The following MCPH1 variants were observed in gnomAD, a reference collection of about 807,000 sequenced individuals.
The protein encoded by MCPH1 is microcephalin.
A neutral mutation model predicts 84.5 loss-of-function variants in MCPH1; 104 were observed. The observed-to-expected ratio is 1.23, with a 90% confidence interval of 1.05 to 1.45. The LOEUF (loss-of-function observed/expected upper bound fraction) is 1.45. Ranked by LOEUF, MCPH1 falls within the 40% of genes most tolerant of loss-of-function variation. MCPH1 has a pLI of 0.00. For missense variants in MCPH1, 1,498 were observed against 1,005.7 expected, an observed-to-expected ratio of 1.49 and a Z score of -6.62; for synonymous variants, 514 against 366.8, an observed-to-expected ratio of 1.40 and a Z score of -4.58.
chr8:6,517,414 G>C (rs545870380), intron 12 of MCPH1, among the ~76,000 whole-genome samples: 14 of 152,352 alleles, frequency 9.2e-5, no homozygotes, highest in Middle Eastern at 3.4e-3. Flanking sequence ...GGAAGGAAAT[G>C]ACCATACATG....
chr8:6,526,471 G>T (rs1818365858), intron 12 of MCPH1, among the ~76,000 whole-genome samples: 2 of 151,912 alleles, frequency 1.3e-5, no homozygotes, highest in African/African-American at 2.4e-5. Flanking sequence ...AAATTAGCAG[G>T]ATTGTTATAT....
At chr8:6,490,824 TA>T (rs771648245) in intron 11 of MCPH1, among the ~76,000 whole-genome samples, 23 of 152,042 alleles carry the variant, frequency 1.5e-4, no homozygotes, top group Non-Finnish European at 2.6e-4. Context: ...CATAGGTTCA[TA>T]ATAGAGCTGT....
chr8:6,570,273 T>C (rs1826546956), intron 12 of MCPH1, among the ~76,000 whole-genome samples: 1 of 152,162 alleles, frequency 6.6e-6, no homozygotes, highest in East Asian at 1.9e-4. Context: ...TGACATAAAA[T>C]AGCTGGCCCG....
chr8:6,625,106 C>G (rs1195608434), intron 13 of MCPH1: 2 of 824,062 alleles, frequency 2.4e-6, no homozygotes, highest in African/African-American at 3.7e-5. Context: ...AACCCCCAAC[C>G]TCAAGTGATC....
intron 3 of MCPH1, among the ~76,000 whole-genome samples, chr8:6,426,903 G>A (rs1585685218): frequency 1.3e-5 from 2 of 152,076 alleles, no homozygotes; most frequent in South Asian, 4.1e-4. Context: ...ACAATTCAGT[G>A]GTTTTAAATA....
chr8:6,461,897 G>T (rs1302278157), intron 9 of MCPH1, among the ~76,000 whole-genome samples: 1 of 152,052 alleles, frequency 6.6e-6, no homozygotes, highest in African/African-American at 2.4e-5. Flanking sequence ...CAAGTATTTG[G>T]TTTATTCTAC....
chr8:6,518,809 A>G (rs1816783443), intron 12 of MCPH1, among the ~76,000 whole-genome samples: 1 of 152,194 alleles, frequency 6.6e-6, no homozygotes, highest in South Asian at 2.1e-4. Context: ...ATATACAGTT[A>G]TCCAGTAGTT....
chr8:6,478,191 A>G (rs577791819), intron 10 of MCPH1, among the ~76,000 whole-genome samples: 2 of 152,348 alleles, frequency 1.3e-5, no homozygotes, highest in Admixed American at 6.5e-5. Context: ...AGGTTTTAAG[A>G]CATCCATCAA....
At chr8:6,505,213 A>ATATATATTCTTATGTATATATAGAATATG in intron 12 of MCPH1, among the ~76,000 whole-genome samples, 1 of 92,020 alleles carries the variant, frequency 1.1e-5, no homozygotes, top group Admixed American at 1.0e-4. Context: ...TATAGAATAT[A>ATATATATTCTTATGTATATATAGAATATG]TATATATATT....
chr8:6,479,850 C>G (rs1808961445), intron 10 of MCPH1, among the ~76,000 whole-genome samples: 1 of 152,084 alleles, frequency 6.6e-6, no homozygotes, highest in African/African-American at 2.4e-5. Context: ...AATGACAGAG[C>G]AGGAGATAAG....
chr8:6,464,282 TA>T lies in MCPH1; in HGVS notation c.1935+9032del, dbSNP rs535256799. Among the ~76,000 whole-genome samples, 22 of 152,320 alleles carry T rather than the reference TA, an allele frequency of 1.4e-4. No homozygotes were observed. The South Asian group carries it at 1.5e-3, about 10-fold the overall frequency. Reference sequence around the variant, plus strand: ...GGCAGTGGCGGGGATGTGCTCGTTGTAACAGGTGTGGGGTCCATCAGCAGAT... The same window carrying T: ...GGCAGTGGCGGGGATGTGCTCGTTGTACAGGTGTGGGGTCCATCAGCAGAT... On this transcript the variant is annotated intron_variant, in intron 9 of 13. Transcript: ENST00000344683.
In MCPH1 at chr8:6,438,770, A is replaced by G. The variant is rs982614279; in HGVS notation, c.437-183A>G. On this transcript the variant is annotated intron_variant, in intron 5 of 13. Transcript: ENST00000344683. ...AGTTGCTCAGCAGATGTGAGCCAGC[A>G]GCTGTAGCAGCAACATCACTGCCTG... Among the ~76,000 whole-genome samples the G allele has an allele frequency of 1.3e-5, 2 of 152,208 alleles. 1 individual carries two copies. Among genetic ancestry groups the G allele is most frequent in the African/African-American group, 4.8e-5 (2 of 41,460 alleles).
At chr8:6,460,765 TC>T (rs1473235868) in intron 9 of MCPH1, among the ~76,000 whole-genome samples, 1 of 152,114 alleles carries the variant, frequency 6.6e-6, no homozygotes, top group Non-Finnish European at 1.5e-5. Context: ...AGGCTAGCTG[TC>T]CCCTGGGAGT....
At chr8:6,547,181 A>T (rs1010779481) in intron 12 of MCPH1, among the ~76,000 whole-genome samples, 7 of 152,054 alleles carry the variant, frequency 4.6e-5, no homozygotes, top group African/African-American at 1.7e-4. Flanking sequence ...ACTTGCTCTA[A>T]GGTGAACTAG....
intron 12 of MCPH1, among the ~76,000 whole-genome samples, chr8:6,611,124 A>ACACACT (rs1202974300): frequency 6.7e-5 from 9 of 133,620 alleles, no homozygotes; most frequent in South Asian, 4.6e-4. Context: ...TCTCTCACAC[A>ACACACT]CACACTCACA....
intron 12 of MCPH1, among the ~76,000 whole-genome samples, chr8:6,567,677 G>A (rs1826312031): frequency 6.6e-6 from 1 of 152,144 alleles, no homozygotes; most frequent in Non-Finnish European, 1.5e-5. Flanking sequence ...GAAGGCATTA[G>A]GTGCAAAGCC....
intron 3 of MCPH1, 23 bp downstream of exon 3, chr8:6,414,906 T>C (rs1799050379): frequency 1.2e-6 from 2 of 1,611,608 alleles, no homozygotes; most frequent in Non-Finnish European, 1.7e-6. Context: ...TCTCTTACTT[T>C]TTTTCCTTAA....
intron 11 of MCPH1, among the ~76,000 whole-genome samples, chr8:6,485,387 G>A (rs1325466929): frequency 6.6e-6 from 1 of 152,018 alleles, no homozygotes; most frequent in Non-Finnish European, 1.5e-5. Flanking sequence ...TTTGAGCACT[G>A]GTAGGACCGG....
At chr8:6,512,234 C>T (rs927281411) in intron 12 of MCPH1, among the ~76,000 whole-genome samples, 4 of 152,162 alleles carry the variant, frequency 2.6e-5, no homozygotes, top group African/African-American at 9.7e-5. Context: ...ACATACTGGG[C>T]ATTGTAGAGT....
Sources: allele counts gnomAD v4.1 joint callset (sites outside exome capture counted in the v4.1 genomes callset), GRCh38; gene constraint gnomAD v4.1.1; transcripts MANE v1.5; gene names NCBI Gene and HGNC (gene_info 2026-07-23, HGNC 2026-07-21).